JAM2: variants seen among roughly 807,000 people sequenced by gnomAD.
JAM2 encodes the protein junctional adhesion molecule B.
Under a neutral mutation model 42.0 loss-of-function variants are expected in JAM2, and 17 were observed. That is an observed-to-expected ratio of 0.40 (90% confidence interval 0.28 to 0.61). JAM2 has a LOEUF of 0.61. Among genes scored for constraint, JAM2 ranks in the 20% least tolerant of loss-of-function variants. The probability of loss-of-function intolerance (pLI) is 0.37; values close to 1 mark genes in which losing one functional copy is unlikely to be tolerated. For synonymous variants in JAM2, 118 were observed against 128.6 expected (o/e 0.92, Z 0.56); for missense variants, 319 against 358.3 (o/e 0.89, Z 0.89).
intron 2 of JAM2, among the ~76,000 whole-genome samples, chr21:25,688,977 T>G (rs991307697): frequency 6.6e-6 from 1 of 151,752 alleles, no homozygotes; most frequent in Non-Finnish European, 1.5e-5. Flanking sequence ...AGGTTTCCAT[T>G]TGGCAACTTG....
At chr21:25,656,387 A>G (rs2123325340) in intron 1 of JAM2, among the ~76,000 whole-genome samples, 1 of 152,326 alleles carries the variant, frequency 6.6e-6, no homozygotes, top group Non-Finnish European at 1.5e-5. Context: ...ATATTCATTT[A>G]ATGTTAAAGT....
intron 1 of JAM2, among the ~76,000 whole-genome samples, chr21:25,640,714 G>A (rs1162012460): frequency 1.3e-5 from 2 of 152,190 alleles, no homozygotes; most frequent in Admixed American, 1.3e-4. Flanking sequence ...AATAGACTAA[G>A]CAATGCAGTT....
At chr21:25,657,888 G>A (rs1351478014) in intron 1 of JAM2, among the ~76,000 whole-genome samples, 1 of 152,140 alleles carries the variant, frequency 6.6e-6, no homozygotes, top group African/African-American at 2.4e-5. Context: ...TTAGAACAGA[G>A]CCTGTTTTGG....
chr21:25,662,443 C>T (rs2123334401), intron 1 of JAM2, among the ~76,000 whole-genome samples: 1 of 151,952 alleles, frequency 6.6e-6, no homozygotes, highest in East Asian at 1.9e-4. Flanking sequence ...AGCACTGTGA[C>T]CGGCCTTATT....
Position 25,698,694 on chromosome 21 carries a change from T to C in JAM2, c.412T>C (p.Ser138Pro). 5.0e-6 allele frequency: 8 copies of C among 1,613,932 alleles called. No individual in the cohort carries two copies. The highest frequency in any genetic ancestry group is 6.8e-6 in the Non-Finnish European group (8 of 1,179,822). Reference sequence around the variant, plus strand: ...TTGTTCAGTGGCTCCAGCAGTTCCATCATGTGAAGTACCCTCTTCTGCTCT... The same window carrying C: ...TTGTTCAGTGGCTCCAGCAGTTCCACCATGTGAAGTACCCTCTTCTGCTCT... ...LEVLVAPAVP[S>P]CEVPSSALSG... The change falls in exon 5 of 10, where the codon TCA (serine) becomes CCA (proline). Residue 138 changes from serine (S) to proline (P), a missense_variant. By Grantham distance (74) the Ser-to-Pro change is moderately conservative (BLOSUM62 -1). Transcript: ENST00000480456.
intron 4 of JAM2, among the ~76,000 whole-genome samples, chr21:25,695,273 G>C (rs972225527): frequency 1.3e-5 from 2 of 152,182 alleles, no homozygotes; most frequent in East Asian, 1.9e-4. Context: ...CACAGCACAC[G>C]TTTCAGAGAG....
In JAM2 at chr21:25,694,843, A is replaced by AT. The variant is rs1018734677; in HGVS notation, c.394+935_394+936insT. 4.3e-4 allele frequency among the ~76,000 whole-genome samples: 64 copies of AT among 148,154 alleles called. 1 individual carries two copies. In the East Asian group the frequency reaches 6.5e-3, roughly 15 times the overall value. On this transcript the variant is annotated intron_variant, in intron 4 of 9. Transcript: ENST00000480456. ...AGACAGCAGGACTTTCTCAAAAAAA[A>AT]AAAAAATAAAAAGAATCACTGATAG...
chr21:25,658,390 G>A (rs931788496), intron 1 of JAM2, among the ~76,000 whole-genome samples: 12 of 152,088 alleles, frequency 7.9e-5, no homozygotes, highest in African/African-American at 2.9e-4. Flanking sequence ...ATTGGAGAGT[G>A]GATGATCATG....
chr21:25,707,546 T>C (rs1038609924), intron 7 of JAM2, among the ~76,000 whole-genome samples: 1 of 152,228 alleles, frequency 6.6e-6, no homozygotes, highest in East Asian at 1.9e-4. Context: ...TTATGAGAGC[T>C]ACTTCTGTAC....
chr21:25,709,038 T>C (rs191489801), intron 7 of JAM2, among the ~76,000 whole-genome samples: 2 of 152,242 alleles, frequency 1.3e-5, no homozygotes, highest in African/African-American at 2.4e-5. Flanking sequence ...TATTTGATGA[T>C]AGGGCCCGCT....
At chr21:25,694,774 A>G (rs968229037) in intron 4 of JAM2, among the ~76,000 whole-genome samples, 5 of 151,928 alleles carry the variant, frequency 3.3e-5, no homozygotes, top group Non-Finnish European at 5.9e-5. Context: ...CAGGAGTTCA[A>G]GGCTGCAATG....
At chr21:25,663,122 G>A (rs2033132429) in intron 1 of JAM2, among the ~76,000 whole-genome samples, 1 of 152,158 alleles carries the variant, frequency 6.6e-6, no homozygotes, top group South Asian at 2.1e-4. Flanking sequence ...CAGGCAGAGG[G>A]CTTGGAGAAT....
intron 1 of JAM2, among the ~76,000 whole-genome samples, chr21:25,660,951 C>A (rs531999197): frequency 6.6e-6 from 1 of 150,420 alleles, no homozygotes; most frequent in Non-Finnish European, 1.5e-5. Flanking sequence ...CTTGCCACCA[C>A]GCCCAGCTAA....
chr21:25,710,557 G>A (rs1249249080), intron 8 of JAM2, among the ~76,000 whole-genome samples: 1 of 152,202 alleles, frequency 6.6e-6, no homozygotes, highest in African/African-American at 2.4e-5. Flanking sequence ...AGCAAGTTGT[G>A]CAAATAACCA....
At chr21:25,655,647 ATTTTT>A (rs536746237) in intron 1 of JAM2, among the ~76,000 whole-genome samples, 3 of 90,782 alleles carry the variant, frequency 3.3e-5, no homozygotes, top group African/African-American at 1.7e-4. Context: ...CGCCCAGCTA[ATTTTT>A]TTTTTTTTTT....
At chr21:25,682,179 G>A (rs997070772) in intron 1 of JAM2, among the ~76,000 whole-genome samples, 3 of 152,176 alleles carry the variant, frequency 2.0e-5, no homozygotes, top group Admixed American at 2.0e-4. Flanking sequence ...TATAACAGGC[G>A]ACAGACTTGC....
chr21:25,696,792 C>T (rs2034046648), intron 4 of JAM2, among the ~76,000 whole-genome samples: 2 of 152,170 alleles, frequency 1.3e-5, no homozygotes, highest in Admixed American at 6.5e-5. Flanking sequence ...CCACACTCAA[C>T]TCCTAGAGGC....
chr21:25,688,935 A>T (rs903230104), intron 2 of JAM2, among the ~76,000 whole-genome samples: 1 of 152,120 alleles, frequency 6.6e-6, no homozygotes, highest in Admixed American at 6.5e-5. Context: ...GAGCCTGGTT[A>T]AAAAAATACT....
chr21:25,669,390 AAAAAAAG>A (rs2123345119), intron 1 of JAM2, among the ~76,000 whole-genome samples: 1 of 70,974 alleles, frequency 1.4e-5, no homozygotes, highest in Non-Finnish European at 2.4e-5. Context: ...GAAAAAAAAG[AAAAAAAG>A]AAAAAAAAAG....
Sources: allele counts gnomAD v4.1 joint callset (sites outside exome capture counted in the v4.1 genomes callset), GRCh38; gene constraint gnomAD v4.1.1; transcripts MANE v1.5; gene names NCBI Gene and HGNC (gene_info 2026-07-23, HGNC 2026-07-21).